Variants in ACP3 observed in about 807,000 individuals in gnomAD.
The protein encoded by ACP3 is acid phosphatase 3.
Under a neutral mutation model 45.6 loss-of-function variants are expected in ACP3, and 38 were observed. The observed-to-expected ratio is 0.83, with a 90% CI of 0.64 to 1.09. ACP3 has a LOEUF of 1.09. Among genes scored for constraint, ACP3 ranks in the 50% least tolerant of loss-of-function variants. ACP3 has a pLI of 0.00. For missense variants in ACP3, 466 were observed against 463.2 expected, an observed-to-expected ratio of 1.01 and a Z score of -0.05; for synonymous variants, 162 against 164.7, an observed-to-expected ratio of 0.98 and a Z score of 0.13.
chr3:132,321,843 A>G (rs1937212235), intron 1 of ACP3, among the ~76,000 whole-genome samples: 1 of 152,244 alleles, frequency 6.6e-6, no homozygotes, highest in Non-Finnish European at 1.5e-5. Flanking sequence ...AAGGAAGTAT[A>G]TATGTTAGCT....
chr3:132,331,894 T>G (rs1937405532), intron 3 of ACP3, among the ~76,000 whole-genome samples, 161 bp downstream of exon 3: 1 of 152,238 alleles, frequency 6.6e-6, no homozygotes, highest in Admixed American at 6.5e-5. Flanking sequence ...TCCAAAAAGT[T>G]TGTGAATATG....
chr3:132,326,016 A>G (rs1937292714), intron 1 of ACP3, among the ~76,000 whole-genome samples: 1 of 152,220 alleles, frequency 6.6e-6, no homozygotes, highest in Non-Finnish European at 1.5e-5. Context: ...GAAGCAATGT[A>G]AATTATTTTA....
intron 3 of ACP3, 150 bp from the exon 4 acceptor site, chr3:132,332,042 C>A: frequency 1.0e-6 from 1 of 966,208 alleles, no homozygotes; most frequent in Non-Finnish European, 1.5e-6. Context: ...TTGCTCATTC[C>A]TTAACAAGTA....
At chr3:132,347,844 T>TACACACACACACACAC (rs112045628) in intron 7 of ACP3, among the ~76,000 whole-genome samples, 18,566 of 144,788 alleles carry the variant, frequency 0.13, 1,310 homozygotes, top group South Asian at 0.2. Context: ...CACACACACA[T>TACACACACACACACAC]ACACACACAC....
intron 4 of ACP3, among the ~76,000 whole-genome samples, chr3:132,334,505 AC>A: frequency 6.6e-6 from 1 of 152,214 alleles, no homozygotes; most frequent in Non-Finnish European, 1.5e-5. Flanking sequence ...AATTTCAAGT[AC>A]AAGCCACATA....
chr3:132,336,646 A>G (rs1412591614), intron 4 of ACP3, among the ~76,000 whole-genome samples: 1 of 152,206 alleles, frequency 6.6e-6, no homozygotes, highest in East Asian at 1.9e-4. Flanking sequence ...GGCAGGGAAC[A>G]GTTTTATGCA....
chr3:132,318,869 G>T (rs929489855), intron 1 of ACP3, among the ~76,000 whole-genome samples: 16 of 152,212 alleles, frequency 1.1e-4, no homozygotes, highest in Non-Finnish European at 2.4e-4. Flanking sequence ...TGACAAGCTG[G>T]TTGAGTGGCA....
intron 3 of ACP3, 146 bp from the exon 4 acceptor site, chr3:132,332,046 A>G (rs962463999): frequency 3.5e-5 from 35 of 987,982 alleles, no homozygotes; most frequent in Non-Finnish European, 4.8e-5. Context: ...TCATTCCTTA[A>G]CAAGTATTAT....
At chr3:132,350,589 GC>G (rs1937705680) in intron 8 of ACP3, among the ~76,000 whole-genome samples, 1 of 152,148 alleles carries the variant, frequency 6.6e-6, no homozygotes, top group African/African-American at 2.4e-5. Flanking sequence ...GTGTTCAATA[GC>G]CATATATAGC....
chr3:132,337,260 C>A, intron 4 of ACP3, 196 bp from the exon 5 acceptor site: 2 of 424,312 alleles, frequency 4.7e-6, no homozygotes, highest in Admixed American at 3.9e-5. Context: ...ATTCTGAATA[C>A]ATATCCTACT....
At position 132,357,484 on chromosome 3, in the gene ACP3, G is replaced by A. The variant is rs1937935248; in HGVS notation, c.*606G>A. The A allele has an allele frequency of 1.0e-6, 1 of 985,264 alleles. No homozygotes were observed. Among genetic ancestry groups the A allele is most frequent in the African/African-American group, 1.7e-5 (1 of 57,330 alleles). 61.0% of individuals were successfully genotyped at this position (985,264 alleles called of 1,614,324 possible). A position where few individuals can be genotyped will look rare whatever the true frequency, so the allele number is the denominator to read the frequency against. On this transcript the variant is annotated 3_prime_UTR_variant, in exon 10 of 10. Coordinates refer to ENST00000336375, the MANE Select transcript of ACP3 (RefSeq NM_001099.5). ...TTTATATTTCTGTTAAAATATATGA[G>A]GCTACAGAACTAAAAATTAAAACCT...
At chr3:132,333,018 T>C (rs1384677277) in intron 4 of ACP3, among the ~76,000 whole-genome samples, 1 of 152,194 alleles carries the variant, frequency 6.6e-6, no homozygotes, top group African/African-American at 2.4e-5. Context: ...TATAAAATCA[T>C]GATTCTCAGA....
At chr3:132,351,389 C>A (rs1394400933) in intron 8 of ACP3, among the ~76,000 whole-genome samples, 1 of 152,164 alleles carries the variant, frequency 6.6e-6, no homozygotes, top group African/African-American at 2.4e-5. Context: ...CCCATGGAGT[C>A]TGGGATGAGC....
chr3:132,329,956 C>A (rs902462045), intron 2 of ACP3, among the ~76,000 whole-genome samples: 1 of 137,546 alleles, frequency 7.3e-6, no homozygotes, highest in Non-Finnish European at 1.5e-5. Flanking sequence ...CTCACTCTGT[C>A]CCCGCAGGCT....
chr3:132,367,475 G>T lies in ACP3; in HGVS notation c.1139-229G>T, dbSNP rs150256667. Reference sequence around the variant, plus strand: ...TTCAGCTAATTACCCTCCCTTTTCAGTGGGGAGCTGAATCTCAAGGGTCAA... The same window carrying T: ...TTCAGCTAATTACCCTCCCTTTTCATTGGGGAGCTGAATCTCAAGGGTCAA... On this transcript the variant is annotated intron_variant, in intron 10 of 10. Coordinates refer to the ACP3 transcript ENST00000351273. Among the ~76,000 whole-genome samples the T allele has an allele frequency of 1.4e-3, 219 of 152,274 alleles. 1 individual carries two copies. The highest frequency in any genetic ancestry group is 5.0e-3 in the African/African-American group (208 of 41,550).
chr3:132,362,467 C>T (rs983440573), downstream of ACP3, among the ~76,000 whole-genome samples: 3 of 152,222 alleles, frequency 2.0e-5, no homozygotes, highest in African/African-American at 7.2e-5. Context: ...AAGCATTAAG[C>T]TTGCTGAGTA....
At chr3:132,330,862 G>A (rs1488717349) in intron 2 of ACP3, among the ~76,000 whole-genome samples, 1 of 152,194 alleles carries the variant, frequency 6.6e-6, no homozygotes, top group East Asian at 1.9e-4. Flanking sequence ...TTAAAATGCA[G>A]ATGTCAGGGC....
chr3:132,333,608 T>C (rs1293095603), intron 4 of ACP3: 1 of 152,632 alleles, frequency 6.6e-6, no homozygotes. Context: ...TGGAGTTAAA[T>C]CTACTCCAAC....
chr3:132,318,100 T>G (rs1236655771), intron 1 of ACP3, among the ~76,000 whole-genome samples: 1 of 152,262 alleles, frequency 6.6e-6, no homozygotes, highest in African/African-American at 2.4e-5. Flanking sequence ...TATATAGATT[T>G]AGTTGACGAT....
Sources: allele counts gnomAD v4.1 joint callset (sites outside exome capture counted in the v4.1 genomes callset), GRCh38; gene constraint gnomAD v4.1.1; transcripts MANE v1.5; gene names NCBI Gene and HGNC (gene_info 2026-07-23, HGNC 2026-07-21).